LIMS2: variants seen among roughly 807,000 people sequenced by gnomAD.
The protein encoded by LIMS2 is LIM and senescent cell antigen-like-containing domain protein 2.
LIMS2 carries 30 observed loss-of-function variants against 45.3 expected under a neutral mutation model. The observed-to-expected ratio is 0.66, with a 90% CI of 0.50 to 0.90. The LOEUF (loss-of-function observed/expected upper bound fraction) is 0.90, where lower values mean the gene tolerates loss of function less well. Among genes scored for constraint, LIMS2 ranks in the 40% least tolerant of loss-of-function variants. LIMS2 has a pLI of 0.00. For synonymous variants in LIMS2, 173 were observed against 188.0 expected (o/e 0.92, Z 0.65); for missense variants, 485 against 468.7 (o/e 1.03, Z -0.32).
At chr2:127,679,998 G>A (rs1450638435), upstream of LIMS2, among the ~76,000 whole-genome samples, 1 of 152,244 alleles carries the variant, frequency 6.6e-6, no homozygotes, top group Non-Finnish European at 1.5e-5. This position sits in a 1 kb window ranked among gnomAD's most constrained non-coding sequence, Gnocchi z 5.3. Context: ...TACAAGGCCT[G>A]TGCCCCAAAT....
upstream of LIMS2, among the ~76,000 whole-genome samples, chr2:127,676,405 T>C (rs1685501245): frequency 7.2e-6 from 1 of 139,702 alleles, no homozygotes; most frequent in Non-Finnish European, 1.5e-5. Flanking sequence ...TTGCAGTTGT[T>C]ACTTTTTTTT....
chr2:127,648,010 T>C, intron 4 of LIMS2: 1 of 985,688 alleles, frequency 1.0e-6, no homozygotes, highest in Non-Finnish European at 1.2e-6. Context: ...CAGCCAAGCC[T>C]GTCTCCCTCT....
At chr2:127,651,016 G>T (rs775147629) in intron 4 of LIMS2, 11 of 1,613,682 alleles carry the variant, frequency 6.8e-6, no homozygotes, top group Non-Finnish European at 9.3e-6. Context: ...CACTTCTCTG[G>T]GAACCACTGG....
intron 4 of LIMS2, chr2:127,651,660 T>C: frequency 6.2e-7 from 1 of 1,613,408 alleles, no homozygotes; most frequent in Non-Finnish European, 8.5e-7. Context: ...CCACGCCCTG[T>C]GCAACTTGCT....
At chr2:127,650,453 T>A (rs1683617804) in intron 4 of LIMS2, 1 of 547,308 alleles carries the variant, frequency 1.8e-6, no homozygotes. Flanking sequence ...GAGCCTCAGA[T>A]CTCCTGGGTG....
intron 4 of LIMS2, chr2:127,644,219 C>T (rs368671292): frequency 2.4e-5 from 10 of 415,100 alleles, no homozygotes; most frequent in Middle Eastern, 5.0e-4. Flanking sequence ...TCTGTGCCTC[C>T]CCAAGACCCT....
intron 4 of LIMS2, chr2:127,649,981 C>T: frequency 6.3e-7 from 1 of 1,590,058 alleles, no homozygotes; most frequent in Non-Finnish European, 8.6e-7. Context: ...GCACAGGCTT[C>T]TCCTAAACAC....
At chr2:127,643,689 G>A (rs879124170) in intron 4 of LIMS2, 90 of 433,022 alleles carry the variant, frequency 2.1e-4, no homozygotes, top group East Asian at 1.9e-3. Flanking sequence ...TGTTCTCAAC[G>A]GAGAGACAAA....
chr2:127,673,772 A>G, intron 1 of LIMS2: 1 of 1,548,704 alleles, frequency 6.5e-7, no homozygotes, highest in Non-Finnish European at 8.7e-7. Context: ...AGAACCAGCC[A>G]GCTGGCAGGG....
At position 127,680,931 on chromosome 2, in the gene LIMS2, G is replaced by A. The variant is rs78257149; in HGVS notation, c.-5+389C>T. ...CAGCAAGAAGCCTCCTGGGCGCAGAGCTCCTCACCTGCGGGGCACCTGCCT... is the reference window on the plus strand; with the variant it reads ...CAGCAAGAAGCCTCCTGGGCGCAGAACTCCTCACCTGCGGGGCACCTGCCT... On this transcript the variant is annotated intron_variant, in intron 1 of 9. Transcript: ENST00000410011. Among the ~76,000 whole-genome samples the A allele has an allele frequency of 2.6e-5, 4 of 152,248 alleles. No individual in the cohort carries two copies. The East Asian group carries it at 7.7e-4, about 29-fold the overall frequency.
intron 1 of LIMS2, among the ~76,000 whole-genome samples, chr2:127,661,749 C>A (rs879648961): frequency 2.6e-5 from 4 of 152,146 alleles, no homozygotes; most frequent in Non-Finnish European, 5.9e-5. Context: ...GCAAGATGTC[C>A]CTGAGTCTGA....
In LIMS2 at chr2:127,642,926, C is replaced by G; in HGVS notation, c.506G>C (p.Cys169Ser). ...YHPDHFNCTH[C>S]GKELTAEARE... ...CAGGGCCGGGCTGCGCACCTACCCA[C>G]AGTGGGTGCAGTTGAAGTGGTCAGG... The change falls in exon 5 of 10, where the codon TGT (cysteine) becomes TCT (serine). Residue 169 changes from cysteine (C) to serine (S), a missense_variant. Cys to Ser is a moderately radical substitution (Grantham distance 112, BLOSUM62 -1). Coordinates refer to ENST00000355119, the MANE Select transcript of LIMS2 (RefSeq NM_001161403.3). The surrounding 1 kb of genome is among the most constrained non-coding windows in gnomAD (Gnocchi z 5.3). 4 of 1,561,164 alleles carry G rather than the reference C, an allele frequency of 2.6e-6. No individual in the cohort carries two copies. The highest frequency in any genetic ancestry group is 3.5e-6 in the Non-Finnish European group (4 of 1,152,784).
In LIMS2 at chr2:127,672,039, G is replaced by T. The variant is rs572194872; in HGVS notation, c.11+2975C>A. 1.1e-3 allele frequency among the ~76,000 whole-genome samples: 174 copies of T among 152,292 alleles called. 1 individual carries two copies. The highest frequency in any genetic ancestry group is 3.4e-3 in the Middle Eastern group (1 of 294). ...GCCTGCTCTGCGCTGTACTAAGCAT[G>T]GGCTCAGCACACAATCAGGCATACG... On this transcript the variant is annotated intron_variant, in intron 1 of 9. Transcript: ENST00000355119. The surrounding 1 kb of genome is among the most constrained non-coding windows in gnomAD (Gnocchi z 4.9).
In LIMS2 at chr2:127,675,019, C is replaced by T. The variant is rs1685444261; in HGVS notation, c.6G>A (p.Thr2=). 5.7e-6 allele frequency: 7 copies of T among 1,230,210 alleles called. No homozygotes were observed. In the South Asian group the frequency reaches 2.5e-4, roughly 43 times the overall value. The allele number at this position is 1,230,210 out of a possible 1,614,324, so 76.2% of individuals were successfully genotyped here. Residue 2 remains threonine, a synonymous_variant, in exon 1 of 10, where the codon ACG becomes ACA. Transcript: ENST00000355119. M[T]GSNMSDALAN... is the part of the protein sequence containing the mutation. ...GCGTGGGTGGGGGCCGTTACCTTCC[C>T]GTCATGGTGGCAGCGACGCCGAGCC...
At chr2:127,641,387 G>T in intron 6 of LIMS2, 1 of 205,162 alleles carries the variant, frequency 4.9e-6, no homozygotes, top group Non-Finnish European at 1.0e-5. Context: ...GCCTGTCCAC[G>T]TGGGGCCTCC....
intron 4 of LIMS2, 135 bp downstream of exon 4, chr2:127,654,289 G>A: frequency 8.2e-7 from 1 of 1,217,496 alleles, no homozygotes; most frequent in South Asian, 1.4e-5. Flanking sequence ...TGGAGGGAGG[G>A]CAGCTACATC....
chr2:127,674,132 C>G, intron 1 of LIMS2: 1 of 199,972 alleles, frequency 5.0e-6, no homozygotes, highest in Non-Finnish European at 1.0e-5. Flanking sequence ...TGGACACTGC[C>G]CTGTACCCTC....
chr2:127,670,131 A>G (rs6430941), intron 1 of LIMS2, among the ~76,000 whole-genome samples: 71,486 of 152,074 alleles, frequency 0.47, 17,374 homozygotes, highest in South Asian at 0.62. Flanking sequence ...TTCCAGTCCT[A>G]GGTATATATT....
chr2:127,668,289 C>T (rs1685104536), intron 1 of LIMS2, among the ~76,000 whole-genome samples: 1 of 152,094 alleles, frequency 6.6e-6, no homozygotes. Flanking sequence ...CATTAAAATT[C>T]CTGCCTTTTT....
Sources: allele counts gnomAD v4.1 joint callset (sites outside exome capture counted in the v4.1 genomes callset), GRCh38; gene constraint gnomAD v4.1.1; non-coding constraint Gnocchi (gnomAD v3.1); transcripts MANE v1.5; gene names NCBI Gene and HGNC (gene_info 2026-07-23, HGNC 2026-07-21).